The following PTPRN2 variants were observed in gnomAD, a reference collection of about 807,000 sequenced individuals.
PTPRN2 encodes the protein receptor-type tyrosine-protein phosphatase N2.
PTPRN2 carries 74 observed loss-of-function variants against 118.8 expected under a neutral mutation model. The ratio of observed to expected loss-of-function variants is 0.62; its 90% CI spans 0.52 to 0.76. PTPRN2 has a LOEUF of 0.76. Among genes scored for constraint, PTPRN2 ranks in the 30% least tolerant of loss-of-function variants. The pLI, the probability that PTPRN2 is intolerant of heterozygous loss-of-function variation, is 0.00. For missense variants in PTPRN2, 1,481 were observed against 1,394.4 expected, an observed-to-expected ratio of 1.06 and a Z score of -0.99; for synonymous variants, 641 against 608.0, an observed-to-expected ratio of 1.05 and a Z score of -0.80.
intron 6 of PTPRN2, among the ~76,000 whole-genome samples, chr7:158,144,169 G>T (rs1038687278): frequency 6.6e-6 from 1 of 152,216 alleles, no homozygotes; most frequent in African/African-American, 2.4e-5. Context: ...AATAAAGAAG[G>T]TTAAATGTTC....
At position 158,101,215 on chromosome 7, in the gene PTPRN2, C is replaced by G. The variant is rs537502554; in HGVS notation, c.1643+9614G>C. Among the ~76,000 whole-genome samples, 41 of 152,258 alleles carry G rather than the reference C, an allele frequency of 2.7e-4. No homozygotes were observed. In the South Asian group the frequency reaches 8.5e-3, roughly 32 times the overall value. ...ACAGAATAGAGAACCCAGAAATAAA[C>G]TCAACTACTTAACAGCCAACTGATC... On this transcript the variant is annotated intron_variant, in intron 10 of 22. Coordinates refer to ENST00000389418, the MANE Select transcript of PTPRN2 (RefSeq NM_002847.5).
chr7:158,416,056 T>C (rs1409906739), intron 2 of PTPRN2, among the ~76,000 whole-genome samples: 1 of 152,172 alleles, frequency 6.6e-6, no homozygotes. Context: ...CCACCTTTGG[T>C]GTTGGTTTCA....
At chr7:157,943,262 C>G (rs75443455) in intron 11 of PTPRN2, among the ~76,000 whole-genome samples, 1,543 of 152,298 alleles carry the variant, frequency 0.01, 11 homozygotes, top group Non-Finnish European at 0.017. Flanking sequence ...AGGCAAAGAA[C>G]TTTGGGGCTT....
chr7:157,935,911 G>T (rs1463194658), intron 11 of PTPRN2, among the ~76,000 whole-genome samples: 2 of 150,598 alleles, frequency 1.3e-5, no homozygotes, highest in African/African-American at 4.9e-5. Flanking sequence ...CTCCCTCAGG[G>T]GGGTCTAGCC....
intron 1 of PTPRN2, among the ~76,000 whole-genome samples, chr7:158,538,122 C>T (rs769707179): frequency 6.6e-6 from 1 of 152,340 alleles, no homozygotes; most frequent in East Asian, 1.9e-4. Flanking sequence ...CTCTTCCGGA[C>T]GCTGGCGGAA....
At chr7:158,454,245 C>T (rs111584367) in intron 2 of PTPRN2, among the ~76,000 whole-genome samples, 4 of 151,400 alleles carry the variant, frequency 2.6e-5, no homozygotes, top group Non-Finnish European at 4.4e-5. Context: ...CAAGACACAA[C>T]GCACACAATC....
chr7:158,450,588 G>T (rs1645761038), intron 2 of PTPRN2, among the ~76,000 whole-genome samples: 1 of 152,186 alleles, frequency 6.6e-6, no homozygotes, highest in Admixed American at 6.5e-5. Context: ...CTGTGCTCAC[G>T]GCCGCGCCTG....
chr7:158,448,984 G>A (rs923453579), intron 2 of PTPRN2, among the ~76,000 whole-genome samples: 2 of 152,184 alleles, frequency 1.3e-5, no homozygotes, highest in Admixed American at 1.3e-4. Flanking sequence ...CCTCTCAACA[G>A]ATGTTCAGGA....
chr7:158,219,390 C>T (rs951224753), intron 3 of PTPRN2, among the ~76,000 whole-genome samples: 2 of 151,900 alleles, frequency 1.3e-5, no homozygotes, highest in African/African-American at 4.8e-5. Flanking sequence ...ACACAACATA[C>T]CAGAATATTT....
rs577897586 is a variant in PTPRN2 at position 158,534,809 on chromosome 7, A to T, written c.113-45024T>A. Among the ~76,000 whole-genome samples the T allele has an allele frequency of 7.9e-5, 12 of 152,212 alleles. No homozygotes were observed. The South Asian group carries it at 2.5e-3, about 32-fold the overall frequency. On this transcript the variant is annotated intron_variant, in intron 1 of 22. Transcript: ENST00000389418. Reference sequence around the variant, plus strand: ...TTGGCTCCAGGCAGCTCATCGACAGATAACATCCTGCTAGATCAGCAGAGA... The same window carrying T: ...TTGGCTCCAGGCAGCTCATCGACAGTTAACATCCTGCTAGATCAGCAGAGA...
chr7:157,854,595 C>G (rs1456810109), intron 12 of PTPRN2: 2 of 152,476 alleles, frequency 1.3e-5, no homozygotes, highest in African/African-American at 4.8e-5. Context: ...GAGGCCAGGA[C>G]CACGCCTGAC....
chr7:158,477,772 C>T (rs1461757546), intron 2 of PTPRN2, among the ~76,000 whole-genome samples: 4 of 152,246 alleles, frequency 2.6e-5, no homozygotes, highest in Non-Finnish European at 5.9e-5. Flanking sequence ...CCCCTCACCC[C>T]AGGTTTTCAG....
rs563869346 is a variant in PTPRN2 at position 158,049,893 on chromosome 7, A to T, written c.1723+31405T>A. Among the ~76,000 whole-genome samples the T allele has an allele frequency of 3.5e-4, 41 of 116,994 alleles. No individual in the cohort carries two copies. In the East Asian group the frequency reaches 7.7e-3, roughly 22 times the overall value. 76.8% of individuals were successfully genotyped at this position (116,994 alleles called of 152,430 possible). On this transcript the variant is annotated intron_variant, in intron 11 of 22. Coordinates refer to ENST00000389418, the MANE Select transcript of PTPRN2 (RefSeq NM_002847.5). ...ACTCCAACCTGGGCAACACAGCAAG[A>T]TTCCATCTCAAAAAAAAAAATGCAA... is the stretch of plus-strand genomic sequence containing the variant.
chr7:158,458,573 C>T (rs1010832209), intron 2 of PTPRN2, among the ~76,000 whole-genome samples: 4 of 152,150 alleles, frequency 2.6e-5, no homozygotes, highest in Non-Finnish European at 4.4e-5. Flanking sequence ...AGTCGACCGC[C>T]GGAGCCCTGA....
chr7:157,762,028 T>C (rs1431510556), intron 12 of PTPRN2, among the ~76,000 whole-genome samples: 1 of 151,856 alleles, frequency 6.6e-6, no homozygotes, highest in African/African-American at 2.4e-5. Context: ...GAAATGCAAA[T>C]CAAAACCACA....
intron 22 of PTPRN2, among the ~76,000 whole-genome samples, chr7:157,547,291 G>T (rs1173471648): frequency 6.6e-6 from 1 of 152,200 alleles, no homozygotes; most frequent in African/African-American, 2.4e-5. Flanking sequence ...AAGCTCACGG[G>T]ATGCAGGGCC....
chr7:158,128,004 G>A lies in PTPRN2; in HGVS notation c.1556+5673C>T, dbSNP rs1224778598. ...AGAGAAAATCATGCCTGGAAAAGCC[G>A]AGCCCTACCATCCTCCCATCTGAAC... On this transcript the variant is annotated intron_variant, in intron 9 of 22. Transcript: ENST00000389418. Among the ~76,000 whole-genome samples, 5 of 152,244 alleles carry A rather than the reference G, an allele frequency of 3.3e-5. No homozygotes were observed. In the South Asian group the frequency reaches 6.2e-4, roughly 19 times the overall value.
chr7:157,887,748 C>G, intron 12 of PTPRN2, among the ~76,000 whole-genome samples: 1 of 35,196 alleles, frequency 2.8e-5, no homozygotes, highest in Admixed American at 2.3e-4. Flanking sequence ...ATACCCACTC[C>G]CCCAGTGCCT....
intron 3 of PTPRN2, among the ~76,000 whole-genome samples, chr7:158,286,210 C>T (rs1437647415): frequency 6.6e-6 from 1 of 152,114 alleles, no homozygotes. Context: ...GATTTTGTAT[C>T]CTGCAAATTT....
Sources: allele counts gnomAD v4.1 joint callset (sites outside exome capture counted in the v4.1 genomes callset), GRCh38; gene constraint gnomAD v4.1.1; transcripts MANE v1.5; gene names NCBI Gene and HGNC (gene_info 2026-07-23, HGNC 2026-07-21).